The following LYST variants were observed in gnomAD, a reference collection of about 807,000 sequenced individuals.
The protein encoded by LYST is lysosomal trafficking regulator.
In LYST, 192 loss-of-function variants were observed where a neutral mutation model predicts 413.6. The ratio of observed to expected loss-of-function variants is 0.46; its 90% CI spans 0.41 to 0.52. The LOEUF is 0.52. Ranked by LOEUF, LYST falls within the 20% of genes least tolerant of loss-of-function variation. The pLI, the probability that LYST is intolerant of heterozygous loss-of-function variation, is 0.00. For synonymous variants in LYST, 1,525 were observed against 1,567.3 expected, an observed-to-expected ratio of 0.97 and a Z score of 0.64; for missense variants, 3,815 against 4,499.9, an observed-to-expected ratio of 0.85 and a Z score of 4.35.
intron 47 of LYST, among the ~76,000 whole-genome samples, chr1:235,689,026 T>C (rs4399143): frequency 0.29 from 26,254 of 91,606 alleles, 3,223 homozygotes; most frequent in African/African-American, 0.46. Context: ...ATAATAATAA[T>C]AACAACAACA....
intron 20 of LYST, among the ~76,000 whole-genome samples, chr1:235,769,662 A>G (rs973807922): frequency 6.6e-6 from 1 of 152,066 alleles, no homozygotes; most frequent in Non-Finnish European, 1.5e-5. Flanking sequence ...AAAAAAATTA[A>G]CTAAAAGGGC....
Position 235,662,931 on chromosome 1 carries a change from C to A in LYST, c.*9G>T. The A allele has an allele frequency of 6.9e-7, 1 of 1,442,560 alleles. No individual in the cohort carries two copies. Among genetic ancestry groups the A allele is most frequent in the East Asian group, 2.3e-5 (1 of 44,118 alleles). The allele number at this position is 1,442,560 out of a possible 1,614,324, so 89.4% of individuals were successfully genotyped here. On this transcript the variant is annotated 3_prime_UTR_variant, in exon 53 of 53. Transcript: ENST00000389793. ...AAAGTGCTTTGGAGAACGTGAAGTT[C>A]ATTCGCATTCACCCGGCTGCATAGC... is the stretch of plus-strand genomic sequence containing the variant.
At chr1:235,694,016 T>TTC (rs1221271934) in intron 46 of LYST, among the ~76,000 whole-genome samples, 2 of 150,074 alleles carry the variant, frequency 1.3e-5, no homozygotes. Flanking sequence ...TTCTTCTTTT[T>TTC]TTTTTTTTTT....
At chr1:235,866,472 A>C (rs996540851) in intron 1 of LYST, among the ~76,000 whole-genome samples, 2 of 152,142 alleles carry the variant, frequency 1.3e-5, no homozygotes, top group Admixed American at 6.5e-5. Flanking sequence ...CAAAAAATAA[A>C]ATAAAGGTAG....
Position 235,709,162 on chromosome 1 carries a change from T to C in LYST, c.10072A>G (p.Ile3358Val). The C allele has an allele frequency of 1.2e-6, 2 of 1,614,012 alleles. No individual in the cohort carries two copies. Among genetic ancestry groups the C allele is most frequent in the Non-Finnish European group, 1.7e-6 (2 of 1,179,994 alleles). ...DYVSQNICQW[I>V]DLVFGYKQKG... ...TGCTTATACCCAAACACCAAGTCAA[T>C]CCACTGACAGATGTTCTGCGACACG... Residue 3358 changes from isoleucine to valine, a missense_variant, in exon 44 of 53, where the codon ATT becomes GTT. By Grantham distance (29) the Ile-to-Val change is conservative (BLOSUM62 3). Transcript: ENST00000389793.
At chr1:235,702,626 T>C (rs1221793466) in intron 45 of LYST, 121 bp downstream of exon 45, 5 of 826,618 alleles carry the variant, frequency 6.0e-6, no homozygotes. Flanking sequence ...TGCACCTGTC[T>C]TGCACTGACT....
At chr1:235,878,214 G>C (rs368254612) in intron 1 of LYST, among the ~76,000 whole-genome samples, 1 of 152,100 alleles carries the variant, frequency 6.6e-6, no homozygotes, top group East Asian at 1.9e-4. Context: ...AGGTGAGCTC[G>C]GCCTTCAGCT....
intron 18 of LYST, among the ~76,000 whole-genome samples, 155 bp from the exon 19 acceptor site, chr1:235,774,146 T>C (rs1668988198): frequency 6.6e-6 from 1 of 152,232 alleles, no homozygotes; most frequent in Admixed American, 6.5e-5. Context: ...ACTTGTTTTG[T>C]AAAACAATTC....
chr1:235,813,590 T>C (rs1673691267), intron 3 of LYST, among the ~76,000 whole-genome samples: 1 of 152,174 alleles, frequency 6.6e-6, no homozygotes, highest in African/African-American at 2.4e-5. Flanking sequence ...TCCACAAAAA[T>C]ACTGTCTTAC....
intron 50 of LYST, among the ~76,000 whole-genome samples, chr1:235,665,267 G>A (rs773074756): frequency 1.2e-4 from 19 of 152,126 alleles, no homozygotes; most frequent in Non-Finnish European, 2.4e-4. Flanking sequence ...TACTTGGAAA[G>A]CTAAACAGTC....
intron 47 of LYST, among the ~76,000 whole-genome samples, chr1:235,689,932 GA>G (rs1190737028): frequency 6.6e-6 from 1 of 152,182 alleles, no homozygotes; most frequent in East Asian, 1.9e-4. Context: ...TTGTACTGGT[GA>G]AAATAAATTA....
At position 235,662,562 on chromosome 1, in the gene LYST, A is replaced by G; in HGVS notation, c.*378T>C. ...AAAATATAATTTTAGTGTGTTTTATATAAACAATCAACCAACCAATTTAAA... is the reference window on the plus strand; with the variant it reads ...AAAATATAATTTTAGTGTGTTTTATGTAAACAATCAACCAACCAATTTAAA... On this transcript the variant is annotated 3_prime_UTR_variant, in exon 53 of 53. Coordinates refer to ENST00000389793, the MANE Select transcript of LYST (RefSeq NM_000081.4). The G allele has an allele frequency of 3.4e-6, 1 of 295,938 alleles. No homozygotes were observed. Among genetic ancestry groups the G allele is most frequent in the South Asian group, 3.3e-5 (1 of 30,446 alleles). 18.3% of individuals were successfully genotyped at this position (295,938 alleles called of 1,614,324 possible).
intron 39 of LYST, among the ~76,000 whole-genome samples, 185 bp downstream of exon 39, chr1:235,723,843 A>C (rs1034869000): frequency 6.6e-6 from 1 of 152,250 alleles, no homozygotes; most frequent in South Asian, 2.1e-4. Context: ...TTGGGGAATC[A>C]GAATTTACCT....
At chr1:235,713,100 A>T (rs1485278509) in intron 42 of LYST, 2 of 985,278 alleles carry the variant, frequency 2.0e-6, no homozygotes, top group East Asian at 2.3e-4. Context: ...TCTGCTGAGC[A>T]ACATCTTCTG....
At position 235,749,675 on chromosome 1, in the gene LYST, A is replaced by G. The variant is rs183427625; in HGVS notation, c.7780+1535T>C. On this transcript the variant is annotated intron_variant, in intron 28 of 52. Transcript: ENST00000389793. ...CAGCAATCACATTTACTTAGAGTGA[A>G]AAAGACAAGTCCAAGTATAATAAGC... is the stretch of plus-strand genomic sequence containing the variant. Among the ~76,000 whole-genome samples the G allele has an allele frequency of 3.5e-3, 533 of 152,334 alleles. 3 individuals are homozygous for G. The highest frequency in any genetic ancestry group is 6.8e-3 in the Middle Eastern group (2 of 294).
chr1:235,778,333 A>T (rs539011858), intron 16 of LYST, among the ~76,000 whole-genome samples: 3 of 151,220 alleles, frequency 2.0e-5, no homozygotes, highest in Non-Finnish European at 4.4e-5. Context: ...TTCTCTCAGA[A>T]CTGGATGGGG....
At chr1:235,865,927 C>T (rs1045157073) in intron 1 of LYST, among the ~76,000 whole-genome samples, 1 of 152,204 alleles carries the variant, frequency 6.6e-6, no homozygotes, top group African/African-American at 2.4e-5. Context: ...ACACAAGATT[C>T]GACTCCCTTA....
At chr1:235,774,807 T>C in intron 18 of LYST, 106 bp downstream of exon 18, 3 of 743,304 alleles carry the variant, frequency 4.0e-6, no homozygotes, top group Non-Finnish European at 6.8e-6. Flanking sequence ...TTTCCTCCAT[T>C]TTCTTCAGGA....
intron 46 of LYST, among the ~76,000 whole-genome samples, chr1:235,694,096 G>A (rs867023488): frequency 3.4e-5 from 5 of 148,524 alleles, no homozygotes; most frequent in Middle Eastern, 3.5e-3. Context: ...TGCAACCTCC[G>A]CTTCCTGGGT....
Sources: gnomAD v4.1 joint callset for allele counts (sites outside exome capture counted in the v4.1 genomes callset) on GRCh38, gnomAD v4.1.1 for gene constraint, MANE v1.5 for transcripts, NCBI Gene and HGNC (gene_info 2026-07-23, HGNC 2026-07-21) for gene names.